Variants in RASSF3 observed in about 807,000 individuals in gnomAD.
RASSF3 encodes ras association domain-containing protein 3.
In RASSF3, 19 loss-of-function variants were observed where a neutral mutation model predicts 19.9. That is an observed-to-expected ratio of 0.96 (90% CI 0.67 to 1.40). The LOEUF (loss-of-function observed/expected upper bound fraction) is 1.40. RASSF3 is among the 40% of genes most tolerant of loss of function. The probability of loss-of-function intolerance (pLI) is 0.00; values close to 1 mark genes in which losing one functional copy is unlikely to be tolerated. For missense variants in RASSF3, 306 were observed against 289.8 expected (o/e 1.06, Z -0.41); for synonymous variants, 110 against 104.2 (o/e 1.06, Z -0.34).
intron 1 of RASSF3, chr12:64,630,016 G>A (rs1344609280): frequency 6.7e-6 from 1 of 149,274 alleles, no homozygotes; most frequent in East Asian, 2.0e-4. Flanking sequence ...AATGGTTTAT[G>A]TGAACTAAAA....
intron 1 of RASSF3, among the ~76,000 whole-genome samples, chr12:64,614,295 A>G (rs990408573): frequency 1.3e-5 from 2 of 151,872 alleles, no homozygotes; most frequent in African/African-American, 4.8e-5. Context: ...CACCATATCC[A>G]GCTAAATTTT....
intron 2 of RASSF3, among the ~76,000 whole-genome samples, chr12:64,552,345 G>A (rs10878195): frequency 0.8 from 122,127 of 151,778 alleles, 50,780 homozygotes; most frequent in East Asian, 0.94. Flanking sequence ...TGTGCAGGAT[G>A]TGCAGGTACA....
At chr12:64,604,847 G>C (rs1186090374) in intron 2 of RASSF3, among the ~76,000 whole-genome samples, 4 of 151,320 alleles carry the variant, frequency 2.6e-5, no homozygotes, top group Non-Finnish European at 4.4e-5. Context: ...CCGTGGTCTC[G>C]ATCTCCTGAC....
At chr12:64,586,323 C>CAAA (rs772277001) in intron 2 of RASSF3, among the ~76,000 whole-genome samples, 1 of 115,612 alleles carries the variant, frequency 8.6e-6, no homozygotes, top group Non-Finnish European at 1.8e-5. Context: ...GACTCTGTGT[C>CAAA]AAAAAAAAAA....
At chr12:64,537,908 C>T in intron 1 of RASSF3, among the ~76,000 whole-genome samples, 1 of 152,102 alleles carries the variant, frequency 6.6e-6, no homozygotes, top group East Asian at 1.9e-4. Context: ...TTCCTCTTGG[C>T]TTACAGATGG....
intron 2 of RASSF3, among the ~76,000 whole-genome samples, chr12:64,595,449 C>T (rs544649451): frequency 6.6e-6 from 1 of 152,262 alleles, no homozygotes; most frequent in South Asian, 2.1e-4. Flanking sequence ...TCCCCCTGCA[C>T]CTGGAAGTCC....
At chr12:64,657,293 C>A (rs1872194409) in intron 1 of RASSF3, among the ~76,000 whole-genome samples, 1 of 152,060 alleles carries the variant, frequency 6.6e-6, no homozygotes, top group South Asian at 2.1e-4. Flanking sequence ...GGGTGAGCCA[C>A]CACGCTGGGC....
intron 1 of RASSF3, among the ~76,000 whole-genome samples, chr12:64,657,966 C>T (rs1216773916): frequency 6.6e-6 from 1 of 152,088 alleles, no homozygotes; most frequent in East Asian, 1.9e-4. Flanking sequence ...GTGGGAGGAT[C>T]ATTTTAGCCC....
chr12:64,652,092 T>C (rs938184842), intron 1 of RASSF3, among the ~76,000 whole-genome samples: 5 of 152,250 alleles, frequency 3.3e-5, no homozygotes, highest in South Asian at 2.1e-4. Context: ...TAAGGTGTTA[T>C]AATAGATTAC....
intron 1 of RASSF3, among the ~76,000 whole-genome samples, chr12:64,521,002 C>T (rs748763853): frequency 5.3e-5 from 8 of 152,224 alleles, no homozygotes; most frequent in South Asian, 2.1e-4. Flanking sequence ...GCCACATTTA[C>T]GGCACTGAGC....
intron 1 of RASSF3, among the ~76,000 whole-genome samples, chr12:64,511,270 T>C (rs748602739): frequency 2.0e-5 from 3 of 152,176 alleles, no homozygotes; most frequent in Admixed American, 6.6e-5. Flanking sequence ...AATGCATACA[T>C]GCTCTTTTTT....
chr12:64,666,777 T>G (rs1475145979), intron 1 of RASSF3, among the ~76,000 whole-genome samples: 3 of 152,252 alleles, frequency 2.0e-5, no homozygotes, highest in African/African-American at 7.2e-5. Context: ...CTCTGTTCAC[T>G]GTTGTATTCC....
At chr12:64,603,400 G>A (rs1485308019) in intron 2 of RASSF3, among the ~76,000 whole-genome samples, 2 of 152,264 alleles carry the variant, frequency 1.3e-5, no homozygotes, top group African/African-American at 4.8e-5. Flanking sequence ...CACAGATACC[G>A]AACTATGGGG....
intron 1 of RASSF3, among the ~76,000 whole-genome samples, chr12:64,674,132 T>C (rs994698375): frequency 6.6e-6 from 1 of 152,188 alleles, no homozygotes; most frequent in Non-Finnish European, 1.5e-5. Context: ...TTAGGGGGCA[T>C]GCTTTGAAGG....
At chr12:64,600,317 G>A (rs183857691) in intron 2 of RASSF3, among the ~76,000 whole-genome samples, 10 of 150,846 alleles carry the variant, frequency 6.6e-5, no homozygotes, top group East Asian at 5.8e-4. Flanking sequence ...ACAGACATAC[G>A]CACACACATC....
chr12:64,621,971 T>C (rs543281295), intron 1 of RASSF3, among the ~76,000 whole-genome samples: 1 of 152,324 alleles, frequency 6.6e-6, no homozygotes, highest in East Asian at 1.9e-4. Context: ...AAAGGGTGAC[T>C]AGAAGTTCCT....
rs1327137122 is a variant in RASSF3, at chr12:64,696,262, G to C, written c.*1350G>C. 1 of 152,014 alleles carries C rather than the reference G, an allele frequency of 6.6e-6. No individual in the cohort carries two copies. Among genetic ancestry groups the C allele is most frequent in the Non-Finnish European group, 1.5e-5 (1 of 68,050 alleles). 9.4% of individuals were successfully genotyped at this position (152,014 alleles called of 1,614,324 possible). ...GGGCAACTTGACTGTGAGTAGGAGG[G>C]CCCCCAAGAAAGGGAGGAAAGTCCA... On this transcript the variant is annotated 3_prime_UTR_variant, in exon 5 of 5. Transcript: ENST00000542104.
At chr12:64,657,548 C>G (rs992818863) in intron 1 of RASSF3, among the ~76,000 whole-genome samples, 1 of 152,212 alleles carries the variant, frequency 6.6e-6, no homozygotes, top group Non-Finnish European at 1.5e-5. Flanking sequence ...GCCAGGCACC[C>G]TTTTCAGTGG....
intron 1 of RASSF3, among the ~76,000 whole-genome samples, chr12:64,663,014 CT>C (rs1210117047): frequency 1.3e-5 from 2 of 152,096 alleles, no homozygotes; most frequent in African/African-American, 4.8e-5. Context: ...TGTACTGTGC[CT>C]TTTGTTATAA....
Sources: allele counts gnomAD v4.1 joint callset (sites outside exome capture counted in the v4.1 genomes callset), GRCh38; gene constraint gnomAD v4.1.1; transcripts MANE v1.5; gene names NCBI Gene and HGNC (gene_info 2026-07-23, HGNC 2026-07-21).